ATL3: variants seen among roughly 807,000 people sequenced by gnomAD.
The protein encoded by ATL3 is atlastin GTPase 3, also known as atlastin-3.
A neutral mutation model predicts 69.5 loss-of-function variants in ATL3; 49 were observed. The observed-to-expected ratio is 0.71, with a 90% confidence interval of 0.56 to 0.89. The LOEUF (loss-of-function observed/expected upper bound fraction) is 0.89. Among genes scored for constraint, ATL3 ranks in the 40% least tolerant of loss-of-function variants. The probability of loss-of-function intolerance (pLI) is 0.00; values close to 1 mark genes in which losing one functional copy is unlikely to be tolerated. For synonymous variants in ATL3, 214 were observed against 224.1 expected, an observed-to-expected ratio of 0.95 and a Z score of 0.40; for missense variants, 606 against 645.7, an observed-to-expected ratio of 0.94 and a Z score of 0.67.
chr11:63,656,564 T>A (rs1940255597), intron 3 of ATL3, among the ~76,000 whole-genome samples: 1 of 150,822 alleles, frequency 6.6e-6, no homozygotes, highest in South Asian at 2.1e-4. Context: ...CGAAACCCCG[T>A]CTCTACTAAA....
chr11:63,639,466 G>A (rs1415248220), intron 8 of ATL3, among the ~76,000 whole-genome samples: 1 of 152,184 alleles, frequency 6.6e-6, no homozygotes, highest in Non-Finnish European at 1.5e-5. Context: ...GAAAGTACTG[G>A]CTGGGCGTGG....
chr11:63,643,180 G>A (rs1489334662), intron 8 of ATL3, among the ~76,000 whole-genome samples, 177 bp downstream of exon 8: 1 of 152,198 alleles, frequency 6.6e-6, no homozygotes, highest in Non-Finnish European at 1.5e-5. Context: ...AGAAGTCAAG[G>A]TAAACTAATT....
At chr11:63,652,327 A>G in intron 4 of ATL3, 144 bp downstream of exon 4, 6 of 586,816 alleles carry the variant, frequency 1.0e-5, no homozygotes, top group Non-Finnish European at 1.6e-5. Context: ...TCAAACTTTT[A>G]AAAGTTTAAC....
At chr11:63,636,126 A>G (rs1048144280) in intron 9 of ATL3, 81 bp downstream of exon 9, 2 of 1,543,402 alleles carry the variant, frequency 1.3e-6, no homozygotes, top group African/African-American at 2.8e-5. Context: ...AAGTTTCAAA[A>G]TATTTAAATT....
chr11:63,663,448 T>C (rs141168369), intron 1 of ATL3, among the ~76,000 whole-genome samples: 1 of 152,338 alleles, frequency 6.6e-6, no homozygotes, highest in Non-Finnish European at 1.5e-5. Context: ...CTTCCTACTT[T>C]TTAAGTTTTT....
chr11:63,633,522 G>A (rs551688160), intron 10 of ATL3, among the ~76,000 whole-genome samples: 1 of 151,790 alleles, frequency 6.6e-6, no homozygotes, highest in African/African-American at 2.4e-5. Context: ...CCTCCTGCCA[G>A]TGCGTGCCAC....
intron 1 of ATL3, among the ~76,000 whole-genome samples, chr11:63,670,817 G>A (rs780808292): frequency 2.0e-5 from 3 of 152,220 alleles, no homozygotes; most frequent in African/African-American, 4.8e-5. Flanking sequence ...AAATAAACCA[G>A]CATTCACCTT....
At chr11:63,651,151 T>TGCTATAAAAAAAGAGAAGAAAAAGGC in intron 5 of ATL3, among the ~76,000 whole-genome samples, 2 of 152,056 alleles carry the variant, frequency 1.3e-5, no homozygotes, top group Middle Eastern at 6.8e-3. Flanking sequence ...TAAGACCTGC[T>TGCTATAAAAAAAGAGAAGAAAAAGGC]GCTATAAAAA....
In ATL3 at chr11:63,659,073, T is replaced by C. The variant is rs746571488; in HGVS notation, c.226A>G (p.Ile76Val). 1.2e-6 allele frequency: 2 copies of C among 1,614,008 alleles called. No individual in the cohort carries two copies. Among genetic ancestry groups the C allele is most frequent in the South Asian group, 1.1e-5 (1 of 91,088 alleles). The change falls in exon 2 of 13, where the codon ATT becomes GTT. Residue 76 changes from isoleucine to valine, a missense_variant. Coordinates refer to ENST00000398868, the MANE Select transcript of ATL3 (RefSeq NM_015459.5). The part of the protein sequence containing the change: ...AGAFRKGKSF[I>V]LDFMLRYLYS... ...AAGTATCGTAGCATAAAATCCAGAA[T>C]GAAGGACTTGCCCTTTCGGAAGGCA...
rs79492489 is a variant in ATL3 at position 63,659,085 on chromosome 11, C to T, written c.214G>A (p.Gly72Ser). Residue 72 changes from glycine (G) to serine (S), a missense_variant, in exon 2 of 13, where the codon GGC becomes AGC. By Grantham distance (56) the Gly-to-Ser change is moderately conservative (BLOSUM62 0). Transcript: ENST00000398868. ...ATAAAATCCAGAATGAAGGACTTGC[C>T]CTTTCGGAAGGCACCAGCCACTGAA... ...VVSVAGAFRK[G>S]KSFILDFMLR... is the part of the protein sequence containing the mutation. The T allele has an allele frequency of 6.2e-7, 1 of 1,613,868 alleles. No homozygotes were observed. The highest frequency in any genetic ancestry group is 2.2e-5 in the East Asian group (1 of 44,878).
intron 1 of ATL3, among the ~76,000 whole-genome samples, chr11:63,662,691 C>G (rs552737971): frequency 2.6e-5 from 4 of 152,254 alleles, no homozygotes; most frequent in African/African-American, 9.6e-5. Flanking sequence ...GTTGCCCAGG[C>G]CCGTCTTGAA....
intron 1 of ATL3, among the ~76,000 whole-genome samples, chr11:63,665,694 G>A (rs1159934997): frequency 6.6e-6 from 1 of 152,082 alleles, no homozygotes; most frequent in African/African-American, 2.4e-5. Context: ...TTCGAGACCA[G>A]CCTGGGCAAC....
chr11:63,658,030 G>C (rs1216847871), intron 3 of ATL3, among the ~76,000 whole-genome samples: 1 of 151,956 alleles, frequency 6.6e-6, no homozygotes, highest in Non-Finnish European at 1.5e-5. Flanking sequence ...CTAATTTTTT[G>C]TATTTTTAGT....
At chr11:63,642,021 G>A (rs1430596345) in intron 8 of ATL3, among the ~76,000 whole-genome samples, 1 of 152,216 alleles carries the variant, frequency 6.6e-6, no homozygotes, top group East Asian at 1.9e-4. Context: ...AGTTCAGGTT[G>A]GGAAAAGTAC....
At position 63,628,402 on chromosome 11, in the gene ATL3, T is replaced by G. The variant is rs777326737; in HGVS notation, c.*917A>C. On this transcript the variant is annotated 3_prime_UTR_variant, in exon 13 of 13. Transcript: ENST00000398868. ...ACCTCACATTTCAGAGTATGGTATA[T>G]TTAAATATGACATGATTTTTCCACA... 2 of 152,138 alleles carry G rather than the reference T, an allele frequency of 1.3e-5. No homozygotes were observed. The highest frequency in any genetic ancestry group is 2.9e-5 in the Non-Finnish European group (2 of 68,022). The allele number at this position is 152,138 out of a possible 1,614,324, so 9.4% of individuals were successfully genotyped here.
intron 5 of ATL3, among the ~76,000 whole-genome samples, chr11:63,648,408 C>T (rs1939957940): frequency 6.6e-6 from 1 of 152,206 alleles, no homozygotes; most frequent in Non-Finnish European, 1.5e-5. Context: ...AAACCACCTA[C>T]CTCATTGTGA....
intron 5 of ATL3, among the ~76,000 whole-genome samples, chr11:63,649,396 A>G (rs1316702027): frequency 1.3e-5 from 2 of 152,020 alleles, no homozygotes; most frequent in African/African-American, 4.8e-5. Flanking sequence ...CACCTGCCTC[A>G]GCCTCCCAAA....
At chr11:63,633,366 A>G (rs895403266) in intron 10 of ATL3, among the ~76,000 whole-genome samples, 6 of 152,146 alleles carry the variant, frequency 3.9e-5, no homozygotes, top group African/African-American at 1.4e-4. Flanking sequence ...AAATTCAAGG[A>G]AAATATTATT....
In ATL3 at chr11:63,626,894, A is replaced by G. The variant is rs758021752; in HGVS notation, c.*2425T>C. 6.6e-6 allele frequency: 1 copy of G among 152,022 alleles called. No individual in the cohort carries two copies. The highest frequency in any genetic ancestry group is 1.5e-5 in the Non-Finnish European group (1 of 68,010). 9.4% of individuals were successfully genotyped at this position (152,022 alleles called of 1,614,324 possible). ...AAGAGGCCAAAGAAAACTCTTAAGA[A>G]CCCTCACTGAGAAAACTTTATAAAA... On this transcript the variant is annotated 3_prime_UTR_variant, in exon 13 of 13. Transcript: ENST00000398868.
Sources: allele counts gnomAD v4.1 joint callset (sites outside exome capture counted in the v4.1 genomes callset), GRCh38; gene constraint gnomAD v4.1.1; transcripts MANE v1.5; gene names NCBI Gene and HGNC (gene_info 2026-07-23, HGNC 2026-07-21).